EIF3E: variants seen among roughly 807,000 people sequenced by gnomAD.
EIF3E encodes the protein eIF-3 p48.
In EIF3E, 25 loss-of-function variants were observed where a neutral mutation model predicts 59.3. That is an observed-to-expected ratio of 0.42 (90% CI 0.31 to 0.59). The LOEUF is 0.59. Ranked by LOEUF, EIF3E falls within the 20% of genes least tolerant of loss-of-function variation. The pLI, the probability that EIF3E is intolerant of heterozygous loss-of-function variation, is 0.15. For missense variants in EIF3E, 317 were observed against 534.3 expected (o/e 0.59, Z 4.01); for synonymous variants, 176 against 170.2 (o/e 1.03, Z -0.26).
At position 108,228,628 on chromosome 8, in the gene EIF3E, A is replaced by C. The variant is rs10046712; in HGVS notation, c.598-237T>G. On this transcript the variant is annotated intron_variant, in intron 6 of 12. Coordinates refer to ENST00000220849, the MANE Select transcript of EIF3E (RefSeq NM_001568.3). ...CAATAATGTCTACTGAAGACGCTCT[A>C]ATTTATAAACTCTTACAGAAGTTAT... Among the ~76,000 whole-genome samples, 630 of 152,288 alleles carry C rather than the reference A, an allele frequency of 4.1e-3. 4 individuals are homozygous for C. The highest frequency in any genetic ancestry group is 0.014 in the African/African-American group (600 of 41,572).
chr8:108,224,217 G>A (rs958248830), intron 7 of EIF3E, among the ~76,000 whole-genome samples: 32 of 151,018 alleles, frequency 2.1e-4, no homozygotes, highest in Non-Finnish European at 3.4e-4. Context: ...GTGAGACTCC[G>A]TCTCAAAAAA....
chr8:108,202,385 C>T lies in EIF3E; in HGVS notation c.1300-462G>A, dbSNP rs187820817. ...TCTCTGCATATCCCACAACTGCTTC[C>T]TAATGACTTCCTACCCTCCAGTTAC... On this transcript the variant is annotated intron_variant, in intron 12 of 12. Transcript: ENST00000220849. Among the ~76,000 whole-genome samples, 583 of 152,106 alleles carry T rather than the reference C, an allele frequency of 3.8e-3. 3 individuals carry two copies. Among genetic ancestry groups the T allele is most frequent in the Non-Finnish European group, 6.2e-3 (420 of 67,890 alleles).
intron 3 of EIF3E, among the ~76,000 whole-genome samples, chr8:108,237,311 G>C (rs1231782723): frequency 6.6e-6 from 1 of 152,194 alleles, no homozygotes; most frequent in Non-Finnish European, 1.5e-5. Context: ...GAGTTCACTG[G>C]TGTAATCTCG....
chr8:108,214,592 T>C lies in EIF3E; in HGVS notation c.1061+15A>G. ...TTTAAAGTAGAAAATCCAAATCAAA[T>C]CACGGTGTTCTTACTTAATGCTGAT... On this transcript the variant is annotated intron_variant, in intron 10 of 12. Transcript: ENST00000220849. 1 of 1,545,014 alleles carries C rather than the reference T, an allele frequency of 6.5e-7. No individual in the cohort carries two copies. Among genetic ancestry groups the C allele is most frequent in the Non-Finnish European group, 8.7e-7 (1 of 1,145,004 alleles).
intron 3 of EIF3E, among the ~76,000 whole-genome samples, chr8:108,239,531 G>A (rs147450783): frequency 4.8e-4 from 72 of 148,802 alleles, no homozygotes; most frequent in African/African-American, 1.2e-3. Flanking sequence ...ATTTTCAGTC[G>A]GATAATTCTT....
At position 108,228,162 on chromosome 8, in the gene EIF3E, A is replaced by C. The variant is rs926253014; in HGVS notation, c.722+105T>G. ...CTACTACATGAAGAAAAAAAAAAAC[A>C]GGTGACAACAAATTCAAATGATAGA... is the stretch of plus-strand genomic sequence containing the variant. On this transcript the variant is annotated intron_variant, in intron 7 of 12. Transcript: ENST00000220849. 1.2e-5 allele frequency: 15 copies of C among 1,236,560 alleles called. No individual in the cohort carries two copies. The African/African-American group carries it at 2.3e-4, about 19-fold the overall frequency. 76.6% of individuals were successfully genotyped at this position (1,236,560 alleles called of 1,614,324 possible).
chr8:108,247,176 C>A (rs1815964242), intron 1 of EIF3E, among the ~76,000 whole-genome samples: 1 of 152,164 alleles, frequency 6.6e-6, no homozygotes, highest in Non-Finnish European at 1.5e-5. Flanking sequence ...TAGTTTTCGT[C>A]TAGCCCTATG....
chr8:108,244,254 C>T (rs1815901741), intron 1 of EIF3E, among the ~76,000 whole-genome samples: 1 of 152,112 alleles, frequency 6.6e-6, no homozygotes, highest in African/African-American at 2.4e-5. Flanking sequence ...TCTATAATTG[C>T]TAATGTTTGC....
intron 9 of EIF3E, among the ~76,000 whole-genome samples, chr8:108,215,691 T>A (rs1325075903): frequency 1.3e-5 from 2 of 152,178 alleles, no homozygotes; most frequent in African/African-American, 4.8e-5. Flanking sequence ...AGAAGTAAGA[T>A]ATTTGTCAAC....
At chr8:108,243,638 G>GAAAAAAAA (rs779684560) in intron 1 of EIF3E, among the ~76,000 whole-genome samples, 13 of 70,970 alleles carry the variant, frequency 1.8e-4, no homozygotes, top group Non-Finnish European at 2.8e-4. Context: ...CAAAAAAAAA[G>GAAAAAAAA]AAAAAAAAAA....
Position 108,203,057 on chromosome 8 carries a change from T to A in EIF3E, c.1225A>T (p.Lys409Ter). ...ATCTGGCTTCTAAAGGAAAGGCTTT[T>A]GGTCTTTTCAATCACTTGCTGATAG... is the stretch of plus-strand genomic sequence containing the variant. ...SPYQQVIEKT[K>*]SLSFRSQMLA... is the part of the protein sequence containing the mutation. Residue 409 changes from lysine to a stop codon, truncating the protein, a stop_gained, in exon 12 of 13, where the codon AAA (lysine) becomes TAA (stop). Transcript: ENST00000220849. LOFTEE classifies it high-confidence loss of function. The A allele has an allele frequency of 6.2e-7, 1 of 1,612,804 alleles. No homozygotes were observed. Among genetic ancestry groups the A allele is most frequent in the East Asian group, 2.2e-5 (1 of 44,816 alleles).
chr8:108,237,957 A>G (rs942378173), intron 3 of EIF3E, among the ~76,000 whole-genome samples: 6 of 152,238 alleles, frequency 3.9e-5, no homozygotes, highest in Admixed American at 3.9e-4. Flanking sequence ...CAAGTTTTTA[A>G]CACATGATCC....
At chr8:108,215,434 T>C (rs911888034) in intron 9 of EIF3E, among the ~76,000 whole-genome samples, 1 of 151,928 alleles carries the variant, frequency 6.6e-6, no homozygotes, top group Non-Finnish European at 1.5e-5. Flanking sequence ...CTGGCTAACA[T>C]GGTGAAACCC....
At chr8:108,209,077 G>C (rs16877441) in intron 10 of EIF3E, among the ~76,000 whole-genome samples, 3,184 of 147,358 alleles carry the variant, frequency 0.022, 127 homozygotes, top group African/African-American at 0.076. Flanking sequence ...TCTATTAACA[G>C]AGAATGTTCC....
rs1442802348 is a variant in EIF3E at position 108,237,698 on chromosome 8, G to A, written c.324-1495C>T. ...ATTAATATAGGTGTATTACAATACT[G>A]ATTATGAAATGTACATGAAATTCCA... On this transcript the variant is annotated intron_variant, in intron 3 of 12. Coordinates refer to ENST00000220849, the MANE Select transcript of EIF3E (RefSeq NM_001568.3). Among the ~76,000 whole-genome samples, 15 of 152,296 alleles carry A rather than the reference G, an allele frequency of 9.8e-5. No individual in the cohort carries two copies. In the South Asian group the frequency reaches 1.2e-3, roughly 13 times the overall value.
chr8:108,206,901 A>G (rs16877433), intron 10 of EIF3E, among the ~76,000 whole-genome samples: 3,174 of 152,196 alleles, frequency 0.021, 126 homozygotes, highest in African/African-American at 0.072. Context: ...ATTCCAACAT[A>G]GCTGGTGTAA....
intron 4 of EIF3E, among the ~76,000 whole-genome samples, chr8:108,235,638 G>A (rs562686582): frequency 9.1e-4 from 138 of 152,128 alleles, no homozygotes; most frequent in Admixed American, 2.2e-3. Flanking sequence ...TTAACACAAG[G>A]GAAATAAGAT....
intron 10 of EIF3E, among the ~76,000 whole-genome samples, chr8:108,213,358 G>A (rs928736681): frequency 6.6e-6 from 1 of 152,096 alleles, no homozygotes; most frequent in Non-Finnish European, 1.5e-5. Flanking sequence ...TATTTATATT[G>A]TATACTCACA....
At chr8:108,205,293 T>C (rs1175523982) in intron 10 of EIF3E, among the ~76,000 whole-genome samples, 1 of 152,168 alleles carries the variant, frequency 6.6e-6, no homozygotes, top group Non-Finnish European at 1.5e-5. Context: ...TCACTGCCGT[T>C]ATGTCCAGCA....
Sources: gnomAD v4.1 joint callset for allele counts (sites outside exome capture counted in the v4.1 genomes callset) on GRCh38, gnomAD v4.1.1 for gene constraint, MANE v1.5 for transcripts, NCBI Gene and HGNC (gene_info 2026-07-23, HGNC 2026-07-21) for gene names.